CUL2: variants seen among roughly 807,000 people sequenced by gnomAD.
CUL2 encodes cullin 2, also known as cullin-2.
A neutral mutation model predicts 110.2 loss-of-function variants in CUL2; 22 were observed. That is an observed-to-expected ratio of 0.20 (90% confidence interval 0.14 to 0.28). The LOEUF (loss-of-function observed/expected upper bound fraction) is 0.28, where lower values mean the gene tolerates loss of function less well. Ranked by LOEUF, CUL2 falls within the 10% of genes least tolerant of loss-of-function variation. The pLI, the probability that CUL2 is intolerant of heterozygous loss-of-function variation, is 1.00. For missense variants in CUL2, 631 were observed against 905.5 expected, an observed-to-expected ratio of 0.70 and a Z score of 3.89; for synonymous variants, 279 against 293.2, an observed-to-expected ratio of 0.95 and a Z score of 0.49.
intron 2 of CUL2, among the ~76,000 whole-genome samples, chr10:35,067,492 A>G (rs1019852471): frequency 6.6e-6 from 1 of 152,036 alleles, no homozygotes; most frequent in Non-Finnish European, 1.5e-5. Flanking sequence ...GCTCATACCT[A>G]TAATCTCAGA....
At chr10:35,039,360 C>G (rs1037210483) in intron 8 of CUL2, among the ~76,000 whole-genome samples, 3 of 152,180 alleles carry the variant, frequency 2.0e-5, no homozygotes, top group Non-Finnish European at 4.4e-5. Context: ...CATCCTATTA[C>G]ATGGACAACA....
At chr10:35,035,451 C>CT (rs1423237472) in intron 9 of CUL2, among the ~76,000 whole-genome samples, 155 bp from the exon 10 acceptor site, 1 of 152,182 alleles carries the variant, frequency 6.6e-6, no homozygotes, top group East Asian at 1.9e-4. Context: ...CCAAGCCCCT[C>CT]TCCCCACAGG....
chr10:35,075,635 A>AACACACACACACACACACACACAC (rs34714483), intron 1 of CUL2, among the ~76,000 whole-genome samples: 1 of 140,894 alleles, frequency 7.1e-6, no homozygotes, highest in African/African-American at 2.6e-5. Context: ...TGGGCCCTAA[A>AACACACACACACACACACACACAC]ACACACACAC....
In CUL2 at chr10:35,038,974, A is replaced by C. The variant is rs778624215; in HGVS notation, c.823T>G (p.Leu275Val). 6.2e-7 allele frequency: 1 copy of C among 1,609,494 alleles called. No individual in the cohort carries two copies. Among genetic ancestry groups the C allele is most frequent in the Non-Finnish European group, 8.5e-7 (1 of 1,177,516 alleles). ...TGACATTCTGCATGTAAAAACTGTAAGTGGTCTGCTACCATTCGTTGTTGA... is the reference window on the plus strand; with the variant it reads ...TGACATTCTGCATGTAAAAACTGTACGTGGTCTGCTACCATTCGTTGTTGA... ...ECQQRMVADHLQFLHAECHNI... is the reference protein window; with the variant it reads ...ECQQRMVADHVQFLHAECHNI... Residue 275 changes from leucine to valine, a missense_variant, in exon 9 of 21, where the codon TTA becomes GTA. Coordinates refer to ENST00000374749, the MANE Select transcript of CUL2 (RefSeq NM_003591.4).
At chr10:35,018,006 T>C (rs1311818330) in intron 17 of CUL2, among the ~76,000 whole-genome samples, 2 of 151,394 alleles carry the variant, frequency 1.3e-5, no homozygotes, top group Non-Finnish European at 2.9e-5. Context: ...ATAAATGAAA[T>C]TGGGCCAGGC....
At chr10:35,026,554 T>A (rs1438763232) in intron 16 of CUL2, among the ~76,000 whole-genome samples, 1 of 152,184 alleles carries the variant, frequency 6.6e-6, no homozygotes, top group Non-Finnish European at 1.5e-5. Context: ...TAAAAACATG[T>A]TTTACCTCTT....
rs114283387 is a variant in CUL2 at position 35,124,824 on chromosome 10, C to T, written c.-51+1781G>A. Among the ~76,000 whole-genome samples, 673 of 152,142 alleles carry T rather than the reference C, an allele frequency of 4.4e-3. 4 individuals carry two copies. Among genetic ancestry groups the T allele is most frequent in the African/African-American group, 0.016 (661 of 41,470 alleles). On this transcript the variant is annotated intron_variant, in intron 1 of 5. Transcript: ENST00000685421. ...GGAGAGGAAAAAGAGGTGCTCCTCC[C>T]GACCCAGAAAGGGAGGGAAAGTTTA...
intron 6 of CUL2, among the ~76,000 whole-genome samples, chr10:35,047,174 T>C (rs1301939883): frequency 6.6e-6 from 1 of 152,310 alleles, no homozygotes; most frequent in East Asian, 1.9e-4. Flanking sequence ...CAATTTTAAA[T>C]ATCAGGAATT....
chr10:35,072,856 G>A (rs2086716493), intron 1 of CUL2, among the ~76,000 whole-genome samples: 1 of 152,160 alleles, frequency 6.6e-6, no homozygotes, highest in African/African-American at 2.4e-5. Flanking sequence ...CTTATTAGCA[G>A]GACTGTAAGA....
At chr10:35,022,873 C>T (rs192590956) in intron 17 of CUL2, among the ~76,000 whole-genome samples, 144 of 149,022 alleles carry the variant, frequency 9.7e-4, no homozygotes, top group Non-Finnish European at 1.9e-3. Context: ...GGTGAAACAC[C>T]GTCTCTACTA....
chr10:35,060,476 C>A (rs1328333208), intron 4 of CUL2, among the ~76,000 whole-genome samples: 1 of 152,126 alleles, frequency 6.6e-6, no homozygotes, highest in Admixed American at 6.6e-5. Context: ...ACATCGTTTG[C>A]ATCAAACATA....
chr10:35,075,052 G>T (rs993479761), intron 1 of CUL2, among the ~76,000 whole-genome samples: 2 of 152,186 alleles, frequency 1.3e-5, no homozygotes, highest in African/African-American at 4.8e-5. Flanking sequence ...CAGTTGCACA[G>T]ACTTTTTTTG....
chr10:35,072,479 C>T lies in CUL2; in HGVS notation c.-22-1140G>A, dbSNP rs1339146539. On this transcript the variant is annotated intron_variant, in intron 1 of 20. Coordinates refer to ENST00000374749, the MANE Select transcript of CUL2 (RefSeq NM_003591.4). The stretch of plus-strand genomic sequence containing the variant: ...CACCTCCCAGGTTCAGGTGATTCTC[C>T]TGCCTGAACCTCCCGAGTAGCTGGG... Among the ~76,000 whole-genome samples, 4 of 152,218 alleles carry T rather than the reference C, an allele frequency of 2.6e-5. No individual in the cohort carries two copies. The East Asian group carries it at 7.7e-4, about 29-fold the overall frequency.
At chr10:35,038,824 C>A in intron 9 of CUL2, 96 bp downstream of exon 9, 1 of 674,446 alleles carries the variant, frequency 1.5e-6, no homozygotes, top group Non-Finnish European at 2.4e-6. Context: ...ATTTTAAAGA[C>A]TATTACTAAA....
Position 35,060,909 on chromosome 10 carries a change from G to A in CUL2, c.282C>T (p.Tyr94=), listed in dbSNP as rs372375073. ...LVMYHRYWEE[Y]SKGADYMDCL... is the part of the protein sequence containing the mutation. The stretch of plus-strand genomic sequence containing the variant: ...AGTCCATATAGTCTGCACCCTTGCT[G>A]TATTCTTCCCAGTACCTATGATACA... The change falls in exon 4 of 21, where the codon TAC becomes TAT. Residue 94 remains tyrosine (Y), a synonymous_variant. Coordinates refer to ENST00000374749, the MANE Select transcript of CUL2 (RefSeq NM_003591.4). 6.2e-7 allele frequency: 1 copy of A among 1,613,958 alleles called. No homozygotes were observed. Among genetic ancestry groups the A allele is most frequent in the South Asian group, 1.1e-5 (1 of 91,074 alleles).
intron 1 of CUL2, among the ~76,000 whole-genome samples, chr10:35,101,495 G>T (rs1415470307): frequency 2.6e-5 from 4 of 152,152 alleles, no homozygotes; most frequent in Non-Finnish European, 5.9e-5. Context: ...TGTTTTACTG[G>T]AAGCTACAAT....
chr10:35,013,639 GT>G (rs1301071911), intron 19 of CUL2, 59 bp downstream of exon 19: 2 of 1,093,516 alleles, frequency 1.8e-6, no homozygotes, highest in Admixed American at 5.2e-5. Flanking sequence ...GTAAACACTT[GT>G]AAAGTCCAAT....
intron 18 of CUL2, among the ~76,000 whole-genome samples, chr10:35,015,087 C>G (rs1760600566): frequency 6.6e-6 from 1 of 151,856 alleles, no homozygotes; most frequent in Admixed American, 6.6e-5. Context: ...GAGTTCGAGA[C>G]CAGCCTGACC....
chr10:35,041,657 C>T (rs1048761395), intron 8 of CUL2, among the ~76,000 whole-genome samples: 24 of 152,256 alleles, frequency 1.6e-4, no homozygotes, highest in African/African-American at 5.5e-4. Flanking sequence ...CCCACCTCAG[C>T]GTCCCAAGAG....
Sources: allele counts gnomAD v4.1 joint callset (sites outside exome capture counted in the v4.1 genomes callset), GRCh38; gene constraint gnomAD v4.1.1; transcripts MANE v1.5; gene names NCBI Gene and HGNC (gene_info 2026-07-23, HGNC 2026-07-21).